The following PIK3AP1 variants were observed in gnomAD, a reference collection of about 807,000 sequenced individuals.
PIK3AP1 encodes the protein phosphoinositide 3-kinase adapter protein 1.
In PIK3AP1, 21 loss-of-function variants were observed where a neutral mutation model predicts 88.1. That is an observed-to-expected ratio of 0.24 (90% CI 0.17 to 0.34). PIK3AP1 has a LOEUF of 0.34. Among genes scored for constraint, PIK3AP1 ranks in the 10% least tolerant of loss-of-function variants. PIK3AP1 has a pLI of 1.00. For synonymous variants in PIK3AP1, 398 were observed against 400.0 expected (o/e 1.00, Z 0.06); for missense variants, 828 against 1,035.7 (o/e 0.80, Z 2.75).
intron 13 of PIK3AP1, 104 bp downstream of exon 13, chr10:96,616,535 C>T: frequency 8.4e-7 from 1 of 1,188,874 alleles, no homozygotes; most frequent in Non-Finnish European, 1.3e-6. Context: ...ATGACGAGTG[C>T]TGGGCAAGTG....
chr10:96,679,665 C>T lies in PIK3AP1; in HGVS notation c.431-22731G>A, dbSNP rs1843973491. Among the ~76,000 whole-genome samples the T allele has an allele frequency of 2.0e-5, 3 of 152,294 alleles. No homozygotes were observed. The South Asian group carries it at 6.2e-4, about 32-fold the overall frequency. Reference sequence around the variant, plus strand: ...TGCCTTAAACATTAAGGACATTTATCTCCTGGAATCCAAAGCCCAGCATTC... The same window carrying T: ...TGCCTTAAACATTAAGGACATTTATTTCCTGGAATCCAAAGCCCAGCATTC... On this transcript the variant is annotated intron_variant, in intron 2 of 16. Transcript: ENST00000339364.
At chr10:96,657,657 T>C (rs1232357125) in intron 2 of PIK3AP1, among the ~76,000 whole-genome samples, 2 of 149,530 alleles carry the variant, frequency 1.3e-5, no homozygotes, top group Non-Finnish European at 3.0e-5. Context: ...GTGTGCAAGA[T>C]TGTGTGTGTG....
chr10:96,602,352 G>A lies in PIK3AP1; in HGVS notation c.2288C>T (p.Pro763Leu), dbSNP rs1173110540. 3.7e-6 allele frequency: 6 copies of A among 1,612,098 alleles called. No individual in the cohort carries two copies. Among genetic ancestry groups the A allele is most frequent in the Non-Finnish European group, 3.4e-6 (4 of 1,178,984 alleles). ...EVTRSRSPGPPQVDGTPTMSL... is the reference protein window; with the variant it reads ...EVTRSRSPGPLQVDGTPTMSL... The stretch of plus-strand genomic sequence containing the variant: ...CATGGTGGGTGTCCCATCCACTTGT[G>A]GGGGGCCTGGACTGCGACTTCTGGT... Residue 763 changes from proline (P) to leucine (L), a missense_variant, in exon 16 of 17, where the codon CCA becomes CTA. Transcript: ENST00000339364.
At chr10:96,628,639 T>G in intron 8 of PIK3AP1, 146 bp from the exon 9 acceptor site, 1 of 701,662 alleles carries the variant, frequency 1.4e-6, no homozygotes, top group Non-Finnish European at 2.5e-6. Context: ...ATCCACCTAC[T>G]CAAGGACACC....
At chr10:96,652,572 C>CAA (rs377736408) in intron 4 of PIK3AP1, 126 bp downstream of exon 4, 396 of 966,032 alleles carry the variant, frequency 4.1e-4, no homozygotes, top group African/African-American at 5.9e-4. Context: ...GACTCTGTCT[C>CAA]AAAAAAAAAA....
At chr10:96,628,918 A>ATATATATATATATATATATATATATT (rs1843199172) in intron 8 of PIK3AP1, among the ~76,000 whole-genome samples, 1 of 122,562 alleles carries the variant, frequency 8.2e-6, no homozygotes, top group African/African-American at 3.1e-5. Flanking sequence ...GTGTATATAT[A>ATATATATATATATATATATATATATT]TATATATATA....
chr10:96,616,562 C>A, intron 13 of PIK3AP1, 77 bp downstream of exon 13: 1 of 1,516,860 alleles, frequency 6.6e-7, no homozygotes, highest in South Asian at 1.1e-5. Context: ...CCACTCAGGC[C>A]ACAGCCAAAA....
chr10:96,640,948 C>T (rs1252870398), intron 8 of PIK3AP1, among the ~76,000 whole-genome samples: 4 of 152,154 alleles, frequency 2.6e-5, no homozygotes, highest in African/African-American at 9.7e-5. Flanking sequence ...CGGGCATGAG[C>T]CACCATGCCC....
chr10:96,708,462 C>G (rs12184357), intron 2 of PIK3AP1, among the ~76,000 whole-genome samples: 2 of 150,692 alleles, frequency 1.3e-5, no homozygotes, highest in Non-Finnish European at 2.9e-5. Flanking sequence ...GCAATCCCAG[C>G]TACTCGGGAG....
At position 96,712,006 on chromosome 10, in the gene PIK3AP1, A is replaced by G. The variant is rs569146354; in HGVS notation, c.14-2023T>C. On this transcript the variant is annotated intron_variant, in intron 1 of 16. Coordinates refer to ENST00000339364, the MANE Select transcript of PIK3AP1 (RefSeq NM_152309.3). ...CCTGACCTCGTGATCCACCCACCTCAGCCTCCCAAAGTGCTGGAATTACAG... is the reference window on the plus strand; with the variant it reads ...CCTGACCTCGTGATCCACCCACCTCGGCCTCCCAAAGTGCTGGAATTACAG... Among the ~76,000 whole-genome samples, 291 of 151,806 alleles carry G rather than the reference A, an allele frequency of 1.9e-3. 1 individual carries two copies. Among genetic ancestry groups the G allele is most frequent in the African/African-American group, 6.8e-3 (280 of 41,390 alleles).
intron 16 of PIK3AP1, among the ~76,000 whole-genome samples, chr10:96,598,133 TC>T (rs1402714541): frequency 2.1e-5 from 3 of 145,920 alleles, no homozygotes; most frequent in Non-Finnish European, 3.0e-5. Context: ...AGCCTCAAAC[TC>T]CCAGGCTCAA....
rs947994578 is a variant in PIK3AP1, at chr10:96,695,902, T to C, written c.430+13665A>G. Among the ~76,000 whole-genome samples the C allele has an allele frequency of 1.5e-4, 23 of 152,192 alleles. 1 individual carries two copies. Among genetic ancestry groups the C allele is most frequent in the Admixed American group, 1.5e-3 (23 of 15,280 alleles). On this transcript the variant is annotated intron_variant, in intron 2 of 16. Transcript: ENST00000339364. ...GTTGTATCTGGCACATTTTTAAGTA[T>C]GGACACAGAAAAATACATGTGCTGT...
intron 8 of PIK3AP1, among the ~76,000 whole-genome samples, chr10:96,642,083 C>T (rs997433111): frequency 1.3e-5 from 2 of 152,020 alleles, no homozygotes; most frequent in African/African-American, 4.8e-5. Context: ...AAACACAAAC[C>T]AAACCATGTC....
chr10:96,618,658 G>A (rs1354121236), intron 12 of PIK3AP1: 1 of 151,894 alleles, frequency 6.6e-6, no homozygotes, highest in Non-Finnish European at 1.5e-5. Flanking sequence ...TACCAGTTAT[G>A]CTGCTTACAG....
At chr10:96,704,135 G>A (rs565470614) in intron 2 of PIK3AP1, among the ~76,000 whole-genome samples, 33 of 152,250 alleles carry the variant, frequency 2.2e-4, no homozygotes, top group African/African-American at 7.0e-4. Flanking sequence ...TGAACGCACC[G>A]AATCTATGAG....
At chr10:96,637,144 G>A (rs906200183) in intron 8 of PIK3AP1, among the ~76,000 whole-genome samples, 3 of 152,078 alleles carry the variant, frequency 2.0e-5, no homozygotes, top group South Asian at 4.1e-4. Flanking sequence ...TTAGAGCAAG[G>A]AGCATCGTAG....
At chr10:96,701,654 A>G (rs1433832481) in intron 2 of PIK3AP1, among the ~76,000 whole-genome samples, 1 of 152,200 alleles carries the variant, frequency 6.6e-6, no homozygotes, top group Non-Finnish European at 1.5e-5. Flanking sequence ...TAAAGGGAAT[A>G]AAATAAAATA....
chr10:96,696,608 C>T (rs962528816), intron 2 of PIK3AP1, among the ~76,000 whole-genome samples: 5 of 152,078 alleles, frequency 3.3e-5, no homozygotes, highest in Non-Finnish European at 4.4e-5. Context: ...CATATTTACC[C>T]CCATTTCCTC....
intron 2 of PIK3AP1, among the ~76,000 whole-genome samples, chr10:96,704,149 G>A (rs1844333087): frequency 6.6e-6 from 1 of 152,134 alleles, no homozygotes; most frequent in African/African-American, 2.4e-5. Flanking sequence ...CTATGAGCAG[G>A]GGCAAAGGAA....
Sources: gnomAD v4.1 joint callset for allele counts (sites outside exome capture counted in the v4.1 genomes callset) on GRCh38, gnomAD v4.1.1 for gene constraint, MANE v1.5 for transcripts, NCBI Gene and HGNC (gene_info 2026-07-23, HGNC 2026-07-21) for gene names.